The following CTDSPL2 variants were observed in gnomAD, a reference collection of about 807,000 sequenced individuals.
CTDSPL2 encodes the protein CTD small phosphatase like 2.
Under a neutral mutation model 60.0 loss-of-function variants are expected in CTDSPL2, and 5 were observed. The ratio of observed to expected loss-of-function variants is 0.08; its 90% CI spans 0.04 to 0.18. The LOEUF is 0.18. Among genes scored for constraint, CTDSPL2 ranks in the 10% least tolerant of loss-of-function variants. The pLI is 1.00. For synonymous variants in CTDSPL2, 186 were observed against 189.3 expected (o/e 0.98, Z 0.14); for missense variants, 370 against 548.8 (o/e 0.67, Z 3.26).
At position 44,488,838 on chromosome 15, in the gene CTDSPL2, A is replaced by G. The variant is rs374974531; in HGVS notation, c.476-1946A>G. Among the ~76,000 whole-genome samples, 12 of 152,262 alleles carry G rather than the reference A, an allele frequency of 7.9e-5. No individual in the cohort carries two copies. In the East Asian group the frequency reaches 1.7e-3, roughly 22 times the overall value. On this transcript the variant is annotated intron_variant, in intron 4 of 12. Transcript: ENST00000260327. ...CCATCTCAAAAAACAAAACAAAACA[A>G]AAAAAACAAACCCCAGTAGTAATAT...
chr15:44,499,671 C>A, intron 7 of CTDSPL2, 56 bp from the exon 8 acceptor site: 1 of 990,860 alleles, frequency 1.0e-6, no homozygotes, highest in Non-Finnish European at 1.6e-6. Context: ...ATAAAAGTAT[C>A]CTTTGAAGTT....
intron 10 of CTDSPL2, among the ~76,000 whole-genome samples, chr15:44,515,585 A>G (rs2081635752): frequency 6.6e-6 from 1 of 152,174 alleles, no homozygotes; most frequent in Non-Finnish European, 1.5e-5. Context: ...AAAAGCTTTA[A>G]TAGGGCCAGG....
chr15:44,432,841 G>A (rs978802726), intron 1 of CTDSPL2, among the ~76,000 whole-genome samples: 15 of 151,566 alleles, frequency 9.9e-5, no homozygotes, highest in Non-Finnish European at 1.9e-4. Flanking sequence ...GGCTGGTCTC[G>A]AACTGCTGAC....
rs142818091 is a variant in CTDSPL2, at chr15:44,428,645, A to G, written c.-25+873A>G. ...TACTCAGTAGATGTTCCTCCGAGGCAGGGATTTATCTTCCTAATGCTGGTA... is the reference window on the plus strand; with the variant it reads ...TACTCAGTAGATGTTCCTCCGAGGCGGGGATTTATCTTCCTAATGCTGGTA... On this transcript the variant is annotated intron_variant, in intron 1 of 12. Coordinates refer to ENST00000260327, the MANE Select transcript of CTDSPL2 (RefSeq NM_016396.3). Among the ~76,000 whole-genome samples the G allele has an allele frequency of 4.3e-3, 657 of 152,376 alleles. 4 individuals are homozygous for G. The highest frequency in any genetic ancestry group is 0.015 in the African/African-American group (636 of 41,598).
chr15:44,431,338 C>T (rs1374512379), intron 1 of CTDSPL2, among the ~76,000 whole-genome samples: 1 of 152,196 alleles, frequency 6.6e-6, no homozygotes, highest in Non-Finnish European at 1.5e-5. Flanking sequence ...ACTTACTTGG[C>T]ATTTGCCAGG....
chr15:44,430,743 G>A (rs906247355), intron 1 of CTDSPL2, among the ~76,000 whole-genome samples: 3 of 152,094 alleles, frequency 2.0e-5, no homozygotes, highest in Non-Finnish European at 4.4e-5. Flanking sequence ...TGTGCTCTAA[G>A]TAATTTTTCT....
At chr15:44,467,248 A>G (rs900498841) in intron 2 of CTDSPL2, among the ~76,000 whole-genome samples, 3 of 152,172 alleles carry the variant, frequency 2.0e-5, no homozygotes, top group African/African-American at 4.8e-5. Flanking sequence ...TGCATATATA[A>G]TTATGTCATA....
At chr15:44,517,831 T>G (rs966430726) in intron 10 of CTDSPL2, among the ~76,000 whole-genome samples, 2 of 152,204 alleles carry the variant, frequency 1.3e-5, no homozygotes, top group Non-Finnish European at 2.9e-5. Context: ...AATAAAACAG[T>G]GAATCTTATT....
At chr15:44,523,077 G>C (rs1219586826) in intron 12 of CTDSPL2, among the ~76,000 whole-genome samples, 2 of 151,962 alleles carry the variant, frequency 1.3e-5, no homozygotes, top group African/African-American at 4.8e-5. Context: ...GCTCACTGCA[G>C]CCTCCGCCTC....
chr15:44,498,960 CAG>C (rs1441925533), intron 7 of CTDSPL2, among the ~76,000 whole-genome samples: 1 of 152,056 alleles, frequency 6.6e-6, no homozygotes, highest in African/African-American at 2.4e-5. Flanking sequence ...GTTAAATGAA[CAG>C]AGTATATATT....
At position 44,497,048 on chromosome 15, in the gene CTDSPL2, C is replaced by T. The variant is rs1218186680; in HGVS notation, c.792C>T (p.Val264=). ...ATAGCTATTATTTCATCAAACATGT[C>T]CCGCCACTGACAGAAGAACAACTAA... ...VFDPYYFIKH[V]PPLTEEQLNR... Residue 264 remains valine, a synonymous_variant, in exon 7 of 13, where the codon GTC becomes GTT. Transcript: ENST00000260327. 3 of 1,605,778 alleles carry T rather than the reference C, an allele frequency of 1.9e-6. No homozygotes were observed. Among genetic ancestry groups the T allele is most frequent in the Admixed American group, 1.7e-5 (1 of 59,088 alleles).
At chr15:44,455,998 C>T (rs898444076) in intron 1 of CTDSPL2, among the ~76,000 whole-genome samples, 2 of 151,060 alleles carry the variant, frequency 1.3e-5, no homozygotes, top group Non-Finnish European at 3.0e-5. Context: ...CTACAGGCGC[C>T]CGCCACCTCG....
In CTDSPL2 at chr15:44,469,226, A is replaced by G. The variant is rs138268853; in HGVS notation, c.186+10026A>G. Among the ~76,000 whole-genome samples, 474 of 152,340 alleles carry G rather than the reference A, an allele frequency of 3.1e-3. 1 individual carries two copies. The highest frequency in any genetic ancestry group is 5.1e-3 in the Non-Finnish European group (344 of 68,034). ...GGGTTTTGAAAGGTGTCACGTGAGC[A>G]TAAGGGGGAACTACTGTATTTGAAT... On this transcript the variant is annotated intron_variant, in intron 2 of 12. Coordinates refer to ENST00000260327, the MANE Select transcript of CTDSPL2 (RefSeq NM_016396.3).
At chr15:44,463,089 A>G (rs2080609069) in intron 2 of CTDSPL2, among the ~76,000 whole-genome samples, 2 of 152,078 alleles carry the variant, frequency 1.3e-5, no homozygotes, top group African/African-American at 2.4e-5. Context: ...TTAATGCCTC[A>G]TTACTCAAAG....
rs58423202 is a variant in CTDSPL2, at chr15:44,427,674, G to T, written c.-123G>T. The T allele has an allele frequency of 2.3e-3, 912 of 399,462 alleles. 12 individuals carry two copies. The highest frequency in any genetic ancestry group is 0.017 in the African/African-American group (839 of 48,772). The allele number at this position is 399,462 out of a possible 1,614,324, so 24.7% of individuals were successfully genotyped here. ...AAATGGCGACTGGCTGAAGGAGCTG[G>T]TTCTGTTGCTGCTGCGGGGTAAGCG... On this transcript the variant is annotated 5_prime_UTR_variant, in exon 1 of 13. Coordinates refer to ENST00000260327, the MANE Select transcript of CTDSPL2 (RefSeq NM_016396.3).
intron 5 of CTDSPL2, among the ~76,000 whole-genome samples, chr15:44,491,385 C>T (rs1219718699): frequency 6.6e-6 from 1 of 152,182 alleles, no homozygotes; most frequent in Non-Finnish European, 1.5e-5. Context: ...TGTTTGATTA[C>T]ATCAATGACA....
Position 44,526,726 on chromosome 15 carries a change from T to TA in CTDSPL2, c.*2558dup, listed in dbSNP as rs558353103. On this transcript the variant is annotated 3_prime_UTR_variant, in exon 13 of 13. Transcript: ENST00000260327. ...TCTTTTCTTTATCTGTTGGTAGATGTAAAAAACTTCCATTTAGTTAATCGG... is the reference window on the plus strand; with the variant it reads ...TCTTTTCTTTATCTGTTGGTAGATGTAAAAAAACTTCCATTTAGTTAATCGG... 3.3e-5 allele frequency: 5 copies of TA among 152,142 alleles called. No homozygotes were observed. The highest frequency in any genetic ancestry group is 7.4e-5 in the Non-Finnish European group (5 of 67,954). 9.4% of individuals were successfully genotyped at this position (152,142 alleles called of 1,614,324 possible).
intron 5 of CTDSPL2, among the ~76,000 whole-genome samples, chr15:44,492,783 G>T (rs188394029): frequency 6.6e-6 from 1 of 151,974 alleles, no homozygotes; most frequent in African/African-American, 2.4e-5. Context: ...ATACAATTAC[G>T]TTCATTCTTT....
At chr15:44,468,110 G>A (rs1009931427) in intron 2 of CTDSPL2, among the ~76,000 whole-genome samples, 35 of 152,188 alleles carry the variant, frequency 2.3e-4, no homozygotes, top group African/African-American at 7.9e-4. Context: ...GCTTGTGTTC[G>A]ATTGGTGTTA....
Sources: gnomAD v4.1 joint callset for allele counts (sites outside exome capture counted in the v4.1 genomes callset) on GRCh38, gnomAD v4.1.1 for gene constraint, MANE v1.5 for transcripts, NCBI Gene and HGNC (gene_info 2026-07-23, HGNC 2026-07-21) for gene names.